Variants in POMT2 observed in about 807,000 individuals in gnomAD.
POMT2 encodes protein O-mannosyl-transferase 2.
Under a neutral mutation model 100.0 loss-of-function variants are expected in POMT2, and 75 were observed. The ratio of observed to expected loss-of-function variants is 0.75; its 90% confidence interval spans 0.62 to 0.91. The LOEUF is 0.91. Ranked by LOEUF, POMT2 falls within the 40% of genes least tolerant of loss-of-function variation. POMT2 has a pLI of 0.00. For synonymous variants in POMT2, 378 were observed against 374.1 expected (o/e 1.01, Z -0.12); for missense variants, 940 against 955.1 (o/e 0.98, Z 0.21).
intron 1 of POMT2, chr14:77,312,350 T>C: frequency 3.4e-6 from 1 of 293,288 alleles, no homozygotes; most frequent in South Asian, 3.3e-5. Flanking sequence ...TTTCTCATAA[T>C]ATGGAAAGGT....
At chr14:77,280,770 T>C (rs939031455) in intron 15 of POMT2, among the ~76,000 whole-genome samples, 3 of 151,878 alleles carry the variant, frequency 2.0e-5, no homozygotes, top group Non-Finnish European at 4.4e-5. Context: ...GGACAAGGTG[T>C]GAAAATGGTG....
At chr14:77,309,239 G>A (rs986067943) in intron 2 of POMT2, among the ~76,000 whole-genome samples, 4 of 152,170 alleles carry the variant, frequency 2.6e-5, no homozygotes, top group South Asian at 2.1e-4. Context: ...TTACCTCTGC[G>A]GACTAGAAAT....
intron 9 of POMT2, among the ~76,000 whole-genome samples, chr14:77,293,836 T>C (rs987572485): frequency 6.6e-6 from 1 of 152,348 alleles, no homozygotes. Context: ...GAGTTTGGCC[T>C]TTCTCTCCCT....
chr14:77,295,567 G>C (rs1268244991), intron 9 of POMT2, among the ~76,000 whole-genome samples: 1 of 146,872 alleles, frequency 6.8e-6, no homozygotes, highest in Non-Finnish European at 1.5e-5. Context: ...GGGAGGCGGA[G>C]TTTGCAGTAA....
intron 3 of POMT2, 200 bp downstream of exon 3, chr14:77,306,137 G>A: frequency 1.3e-6 from 1 of 799,628 alleles, no homozygotes; most frequent in Non-Finnish European, 1.9e-6. Context: ...TGTATTATTT[G>A]CAGCCTCCTC....
At chr14:77,284,588 G>T (rs545755992) in intron 14 of POMT2, among the ~76,000 whole-genome samples, 1 of 152,152 alleles carries the variant, frequency 6.6e-6, no homozygotes, top group South Asian at 2.1e-4. Flanking sequence ...CTGGATATGT[G>T]GGGGGGCGGG....
intron 2 of POMT2, among the ~76,000 whole-genome samples, chr14:77,309,278 T>G (rs1891353623): frequency 6.6e-6 from 1 of 152,240 alleles, no homozygotes; most frequent in Non-Finnish European, 1.5e-5. Flanking sequence ...GACCCTGTAC[T>G]TCCTTCTGTC....
intron 10 of POMT2, among the ~76,000 whole-genome samples, chr14:77,289,283 C>T (rs1019219323): frequency 2.6e-5 from 4 of 151,812 alleles, no homozygotes; most frequent in African/African-American, 9.7e-5. Context: ...CCCAGCTACT[C>T]GAGAGGCTGA....
In POMT2 at chr14:77,320,863, C is replaced by T; in HGVS notation, c.-182G>A. The T allele has an allele frequency of 7.9e-7, 1 of 1,260,132 alleles. No individual in the cohort carries two copies. The highest frequency in any genetic ancestry group is 3.1e-5 in the East Asian group (1 of 32,298). 78.1% of individuals were successfully genotyped at this position (1,260,132 alleles called of 1,614,324 possible). On this transcript the variant is annotated 5_prime_UTR_variant, in exon 1 of 21. Coordinates refer to ENST00000261534, the MANE Select transcript of POMT2 (RefSeq NM_013382.7). Reference sequence around the variant, plus strand: ...GGCAGCGTGGTCGCGGCCCGGGCCGCTAGGAGGCGGCAGGAGGCGCAGAGC... The same window carrying T: ...GGCAGCGTGGTCGCGGCCCGGGCCGTTAGGAGGCGGCAGGAGGCGCAGAGC...
At chr14:77,304,574 T>A (rs1891159301) in intron 4 of POMT2, 118 bp downstream of exon 4, 1 of 1,491,680 alleles carries the variant, frequency 6.7e-7, no homozygotes, top group Admixed American at 2.0e-5. Flanking sequence ...TTTTACCCAA[T>A]CCTAAAATTA....
chr14:77,280,114 C>T (rs1306080243), intron 16 of POMT2, 34 bp from the exon 17 acceptor site: 14 of 1,613,440 alleles, frequency 8.7e-6, no homozygotes, highest in Non-Finnish European at 1.2e-5. Context: ...TGACCCAGGC[C>T]CAGCCCATCC....
At chr14:77,300,138 C>T in intron 6 of POMT2, 1 of 164,964 alleles carries the variant, frequency 6.1e-6, no homozygotes, top group Non-Finnish European at 1.3e-5. Flanking sequence ...CAGCACCTCA[C>T]ACACAGTGGC....
intron 8 of POMT2, among the ~76,000 whole-genome samples, chr14:77,297,539 G>A (rs1307754636): frequency 6.6e-6 from 1 of 152,144 alleles, no homozygotes; most frequent in East Asian, 1.9e-4. Flanking sequence ...TTCAGTATCT[G>A]CCCTTCCAAC....
chr14:77,304,687 C>A lies in POMT2; in HGVS notation c.547+5G>T. The A allele has an allele frequency of 6.3e-7, 1 of 1,578,090 alleles. No homozygotes were observed. Among genetic ancestry groups the A allele is most frequent in the East Asian group, 2.3e-5 (1 of 43,940 alleles). On this transcript the variant is annotated splice_donor_5th_base_variant and intron_variant, in intron 4 of 20. Transcript: ENST00000261534. ...AAAAGCCATGGTATGGCTAAGACAA[C>A]TTACCAAAGGTGAGGAGGGCAGCTG...
At chr14:77,287,561 T>TATATATATATATAC (rs33924388) in intron 11 of POMT2, 2 of 135,668 alleles carry the variant, frequency 1.5e-5, no homozygotes, top group Non-Finnish European at 3.1e-5. Flanking sequence ...TATATATATA[T>TATATATATATATAC]ACCCACACAC....
At chr14:77,304,035 T>C (rs1447176865) in intron 4 of POMT2, among the ~76,000 whole-genome samples, 2 of 152,214 alleles carry the variant, frequency 1.3e-5, no homozygotes, top group East Asian at 1.9e-4. Flanking sequence ...CAGTCCTCTA[T>C]AGAGAAAGCC....
intron 8 of POMT2, among the ~76,000 whole-genome samples, chr14:77,298,192 G>A (rs1890896709): frequency 6.6e-6 from 1 of 151,964 alleles, no homozygotes; most frequent in South Asian, 2.1e-4. Context: ...GCCCTTAACC[G>A]CCCAGCAGCC....
Position 77,284,875 on chromosome 14 carries a change from C to T in POMT2, c.1576+75G>A, listed in dbSNP as rs567280026. On this transcript the variant is annotated intron_variant, in intron 14 of 20. Coordinates refer to ENST00000261534, the MANE Select transcript of POMT2 (RefSeq NM_013382.7). ...TTGAAGGGATAGCACAGTTTACAAA[C>T]GCTTACTTTTCTAAGATAAGGGTTT... is the stretch of plus-strand genomic sequence containing the variant. 100 of 1,333,388 alleles carry T rather than the reference C, an allele frequency of 7.5e-5. 1 individual carries two copies. Among genetic ancestry groups the T allele is most frequent in the Middle Eastern group, 1.8e-4 (1 of 5,576 alleles). The allele number at this position is 1,333,388 out of a possible 1,614,324, so 82.6% of individuals were successfully genotyped here.
chr14:77,287,200 C>G, intron 11 of POMT2: 1 of 306,958 alleles, frequency 3.3e-6, no homozygotes, highest in Middle Eastern at 1.1e-3. Flanking sequence ...ATCTGCATGG[C>G]CTGAGCTAGG....
Sources: allele counts gnomAD v4.1 joint callset (sites outside exome capture counted in the v4.1 genomes callset), GRCh38; gene constraint gnomAD v4.1.1; transcripts MANE v1.5; gene names NCBI Gene and HGNC (gene_info 2026-07-23, HGNC 2026-07-21).